The following THSD7B variants were observed in gnomAD, a reference collection of about 807,000 sequenced individuals.
The protein encoded by THSD7B is thrombospondin type-1 domain-containing protein 7B.
Under a neutral mutation model 213.6 loss-of-function variants are expected in THSD7B, and 138 were observed. The observed-to-expected ratio is 0.65, with a 90% CI of 0.56 to 0.74. THSD7B has a LOEUF of 0.74. Ranked by LOEUF, THSD7B falls within the 30% of genes least tolerant of loss-of-function variation. The probability of loss-of-function intolerance (pLI) is 0.00; values close to 1 mark genes in which losing one functional copy is unlikely to be tolerated. For missense variants in THSD7B, 1,931 were observed against 1,991.5 expected, an observed-to-expected ratio of 0.97 and a Z score of 0.58; for synonymous variants, 742 against 687.0, an observed-to-expected ratio of 1.08 and a Z score of -1.25.
chr2:136,988,621 A>T (rs1685709916), intron 2 of THSD7B, among the ~76,000 whole-genome samples: 1 of 152,140 alleles, frequency 6.6e-6, no homozygotes, highest in Non-Finnish European at 1.5e-5. Flanking sequence ...ACCCTCTGAA[A>T]ATTTATGTTT....
intron 5 of THSD7B, chr2:137,156,104 G>T (rs569918931): frequency 2.0e-5 from 3 of 152,174 alleles, no homozygotes; most frequent in African/African-American, 7.2e-5. Flanking sequence ...CTCTAGCTCC[G>T]AAAGTCCTGT....
intron 15 of THSD7B, among the ~76,000 whole-genome samples, chr2:137,481,488 A>C (rs981703425): frequency 7.2e-5 from 11 of 152,230 alleles, no homozygotes; most frequent in Admixed American, 4.6e-4. Context: ...TCTGATGTTA[A>C]ATAAAAAGTA....
intron 10 of THSD7B, among the ~76,000 whole-genome samples, chr2:137,261,141 A>G (rs1052822233): frequency 6.6e-5 from 10 of 152,006 alleles, no homozygotes; most frequent in Non-Finnish European, 1.2e-4. Flanking sequence ...CTACAATAAG[A>G]CCTAGAGAGG....
chr2:137,046,189 C>T (rs1277198354), intron 2 of THSD7B, among the ~76,000 whole-genome samples: 1 of 152,098 alleles, frequency 6.6e-6, no homozygotes, highest in Non-Finnish European at 1.5e-5. Context: ...TGGGCTAGTA[C>T]AGGGAATAGA....
At chr2:137,252,723 T>A (rs1170987624) in intron 10 of THSD7B, among the ~76,000 whole-genome samples, 5 of 152,168 alleles carry the variant, frequency 3.3e-5, no homozygotes, top group African/African-American at 4.8e-5. Context: ...CAGAGAATGA[T>A]GCAGGAGCAT....
intron 15 of THSD7B, among the ~76,000 whole-genome samples, chr2:137,546,395 T>TTATATATATTA (rs1326190559): frequency 3.0e-5 from 1 of 33,294 alleles, no homozygotes. Context: ...ATTATATATA[T>TTATATATATTA]TATATATATT....
chr2:136,879,796 A>G (rs1683588437), intron 1 of THSD7B, among the ~76,000 whole-genome samples: 1 of 152,166 alleles, frequency 6.6e-6, no homozygotes, highest in African/African-American at 2.4e-5. Flanking sequence ...TGGAAACAAA[A>G]AAAGTCAGGG....
intron 2 of THSD7B, among the ~76,000 whole-genome samples, chr2:137,005,863 T>C (rs924913290): frequency 6.6e-6 from 1 of 152,232 alleles, no homozygotes; most frequent in Non-Finnish European, 1.5e-5. Flanking sequence ...TGGGTGTTAC[T>C]GGATTGGAGG....
chr2:137,502,810 G>T (rs981383434), intron 15 of THSD7B, among the ~76,000 whole-genome samples: 1 of 151,974 alleles, frequency 6.6e-6, no homozygotes, highest in Non-Finnish European at 1.5e-5. Flanking sequence ...CTGATTCCAT[G>T]GTTTATAGTT....
intron 10 of THSD7B, among the ~76,000 whole-genome samples, chr2:137,266,859 A>G (rs1372878304): frequency 6.6e-6 from 1 of 152,090 alleles, no homozygotes; most frequent in Non-Finnish European, 1.5e-5. Flanking sequence ...CTACTCTTAC[A>G]TTTTAAATTA....
chr2:136,806,886 T>C (rs1682292109), intron 1 of THSD7B, among the ~76,000 whole-genome samples: 1 of 152,196 alleles, frequency 6.6e-6, no homozygotes, highest in African/African-American at 2.4e-5. Flanking sequence ...TTTGAGGACC[T>C]TGGCAGTTTT....
At chr2:137,315,353 G>C (rs900487082) in intron 12 of THSD7B, among the ~76,000 whole-genome samples, 1 of 152,120 alleles carries the variant, frequency 6.6e-6, no homozygotes, top group South Asian at 2.1e-4. Context: ...GCAATGCCTC[G>C]CCCTGCTTCG....
intron 5 of THSD7B, among the ~76,000 whole-genome samples, chr2:137,154,587 A>G (rs1191349003): frequency 6.6e-6 from 1 of 152,122 alleles, no homozygotes; most frequent in East Asian, 1.9e-4. Context: ...ATCTTACAAA[A>G]TGGCTATCAA....
chr2:137,096,209 A>T (rs961790336), intron 4 of THSD7B, among the ~76,000 whole-genome samples: 1 of 152,142 alleles, frequency 6.6e-6, no homozygotes, highest in Non-Finnish European at 1.5e-5. Flanking sequence ...CAAGATAGGC[A>T]TTTTTCTTAT....
At position 136,987,003 on chromosome 2, in the gene THSD7B, C is replaced by T. The variant is rs963023104; in HGVS notation, c.140-69417C>T. On this transcript the variant is annotated intron_variant, in intron 2 of 27. Transcript: ENST00000409968. Reference sequence around the variant, plus strand: ...AAAGTGTTGATAGAGAGTTATTTAGCCACCTGAAATTGGACACCTACTTTG... The same window carrying T: ...AAAGTGTTGATAGAGAGTTATTTAGTCACCTGAAATTGGACACCTACTTTG... Among the ~76,000 whole-genome samples the T allele has an allele frequency of 7.2e-5, 11 of 152,268 alleles. No homozygotes were observed. The South Asian group carries it at 2.1e-3, about 29-fold the overall frequency.
chr2:137,424,898 C>T (rs7557649), intron 14 of THSD7B, among the ~76,000 whole-genome samples: 86,471 of 151,426 alleles, frequency 0.57, 27,388 homozygotes, highest in East Asian at 0.77. Flanking sequence ...GGTGAAACCT[C>T]GTCTCTACTA....
At chr2:137,488,427 G>A (rs4954378) in intron 15 of THSD7B, among the ~76,000 whole-genome samples, 1 of 151,806 alleles carries the variant, frequency 6.6e-6, no homozygotes, top group Non-Finnish European at 1.5e-5. Context: ...ATGAGAAAAG[G>A]CACTTTGAGT....
intron 2 of THSD7B, among the ~76,000 whole-genome samples, chr2:136,952,016 C>T (rs533230043): frequency 3.3e-5 from 5 of 151,980 alleles, no homozygotes; most frequent in South Asian, 2.1e-4. Context: ...ACTACAGGCA[C>T]GCACCATCAC....
intron 12 of THSD7B, among the ~76,000 whole-genome samples, chr2:137,303,636 A>G (rs919764005): frequency 1.5e-4 from 22 of 145,322 alleles, no homozygotes; most frequent in Non-Finnish European, 6.0e-5. Context: ...CTCTTTACAG[A>G]CATATATAAA....
Sources: gnomAD v4.1 joint callset for allele counts (sites outside exome capture counted in the v4.1 genomes callset) on GRCh38, gnomAD v4.1.1 for gene constraint, MANE v1.5 for transcripts, NCBI Gene and HGNC (gene_info 2026-07-23, HGNC 2026-07-21) for gene names.